The following SPHKAP variants were observed in gnomAD, a reference collection of about 807,000 sequenced individuals.
SPHKAP encodes the protein A-kinase anchor protein SPHKAP.
In SPHKAP, 67 loss-of-function variants were observed where a neutral mutation model predicts 137.5. The observed-to-expected ratio is 0.49, with a 90% CI of 0.40 to 0.60. SPHKAP has a LOEUF of 0.60. Ranked by LOEUF, SPHKAP falls within the 20% of genes least tolerant of loss-of-function variation. The pLI is 0.00. For missense variants in SPHKAP, 2,097 were observed against 2,069.3 expected (o/e 1.01, Z -0.26); for synonymous variants, 813 against 785.3 (o/e 1.04, Z -0.59).
At chr2:228,023,767 A>T (rs1437683518) in intron 5 of SPHKAP, among the ~76,000 whole-genome samples, 2 of 152,226 alleles carry the variant, frequency 1.3e-5, no homozygotes, top group Non-Finnish European at 2.9e-5. Context: ...ACCTCAGCAG[A>T]GTCCAAGTGA....
chr2:228,168,454 T>A (rs775396457), intron 1 of SPHKAP, among the ~76,000 whole-genome samples: 74 of 152,264 alleles, frequency 4.9e-4, no homozygotes, highest in Non-Finnish European at 8.8e-4. Flanking sequence ...TGCAATATTT[T>A]AAAATTTGTC....
At chr2:228,157,809 C>T (rs1204451966) in intron 1 of SPHKAP, among the ~76,000 whole-genome samples, 2 of 152,038 alleles carry the variant, frequency 1.3e-5, no homozygotes, top group African/African-American at 4.8e-5. Flanking sequence ...AAAATATTTT[C>T]AGACTGTTTA....
intron 7 of SPHKAP, among the ~76,000 whole-genome samples, chr2:228,010,518 C>A (rs927142633): frequency 1.3e-5 from 2 of 152,062 alleles, no homozygotes; most frequent in Non-Finnish European, 2.9e-5. Context: ...GGTGACAGAG[C>A]GAAACTCCAT....
At chr2:228,101,631 A>G (rs1698185847) in intron 3 of SPHKAP, among the ~76,000 whole-genome samples, 1 of 152,180 alleles carries the variant, frequency 6.6e-6, no homozygotes, top group Admixed American at 6.5e-5. Context: ...AGGTAAATAC[A>G]ATTATTATCT....
chr2:228,001,260 C>T (rs1038148584), intron 7 of SPHKAP, among the ~76,000 whole-genome samples: 17 of 134,152 alleles, frequency 1.3e-4, no homozygotes, highest in South Asian at 1.0e-3. Flanking sequence ...CACACACACA[C>T]ACATATATAA....
chr2:228,172,373 G>A (rs1364381100), intron 1 of SPHKAP, among the ~76,000 whole-genome samples: 1 of 152,102 alleles, frequency 6.6e-6, no homozygotes, highest in Non-Finnish European at 1.5e-5. Flanking sequence ...TTATTATCTG[G>A]AGCTGGTCCA....
At chr2:228,101,667 G>A (rs1333749232) in intron 3 of SPHKAP, among the ~76,000 whole-genome samples, 3 of 152,170 alleles carry the variant, frequency 2.0e-5, no homozygotes, top group Admixed American at 1.3e-4. Context: ...GGAACCTGAG[G>A]CAGAGAAAGA....
intron 1 of SPHKAP, among the ~76,000 whole-genome samples, chr2:228,148,916 T>G (rs1249947900): frequency 6.6e-6 from 1 of 152,202 alleles, no homozygotes; most frequent in East Asian, 1.9e-4. Flanking sequence ...GGTGAAGATG[T>G]AATCATTTTG....
rs1559350544 is a variant in SPHKAP at position 228,018,927 on chromosome 2, T to C, written c.1927A>G (p.Met643Val). ...YSSIGDFLDS[M>V]NRRIMETASK... is the part of the protein sequence containing the mutation. ...GCAGTTTCCATGATTCTCCTGTTCA[T>C]GGAGTCCAGAAAGTCTCCAATGCTG... Residue 643 changes from methionine to valine, a missense_variant, in exon 7 of 12, where the codon ATG becomes GTG. By Grantham distance (21) the Met-to-Val change is conservative (BLOSUM62 1). Coordinates refer to ENST00000392056, the MANE Select transcript of SPHKAP (RefSeq NM_001142644.2). The C allele has an allele frequency of 5.6e-6, 9 of 1,614,086 alleles. No homozygotes were observed. Among genetic ancestry groups the C allele is most frequent in the Admixed American group, 1.7e-5 (1 of 60,014 alleles).
At chr2:228,020,341 G>A (rs1416295107) in intron 6 of SPHKAP, 185 bp from the exon 7 acceptor site, 1 of 334,872 alleles carries the variant, frequency 3.0e-6, no homozygotes, top group Non-Finnish European at 4.2e-6. Context: ...TGATAGACTG[G>A]ATTAAGAAAA....
chr2:228,093,008 G>T (rs1697856566), intron 3 of SPHKAP, among the ~76,000 whole-genome samples: 1 of 151,960 alleles, frequency 6.6e-6, no homozygotes, highest in Non-Finnish European at 1.5e-5. Flanking sequence ...CACCACTAAA[G>T]AACTTACTCA....
Position 228,017,914 on chromosome 2 carries a change from C to T in SPHKAP, c.2940G>A (p.Lys980=). 1 of 1,614,190 alleles carries T rather than the reference C, an allele frequency of 6.2e-7. No individual in the cohort carries two copies. Among genetic ancestry groups the T allele is most frequent in the Non-Finnish European group, 8.5e-7 (1 of 1,180,036 alleles). The change falls in exon 7 of 12, where the codon AAG becomes AAA. Residue 980 remains lysine (K), a synonymous_variant. Transcript: ENST00000392056. ...MTPNVPCRSL[K]RKKESQGSGT... ...CGCTCCCCTGGCTCTCTTTCTTCCT[C>T]TTCAAGGATCGGCAGGGTACGTTGG... is the stretch of plus-strand genomic sequence containing the variant.
At chr2:228,099,978 T>C (rs1369116185) in intron 3 of SPHKAP, among the ~76,000 whole-genome samples, 2 of 151,922 alleles carry the variant, frequency 1.3e-5, no homozygotes, top group Non-Finnish European at 2.9e-5. Context: ...GCCTCCCGAG[T>C]AGCTGGGACT....
chr2:228,104,297 TTA>T (rs1559175415), intron 3 of SPHKAP, among the ~76,000 whole-genome samples: 3 of 143,660 alleles, frequency 2.1e-5, no homozygotes, highest in African/African-American at 5.2e-5. Flanking sequence ...ATATCATATA[TTA>T]TATAATAATA....
Position 227,991,119 on chromosome 2 carries a change from C to G in SPHKAP, c.4840G>C (p.Asp1614His). 1 of 1,614,104 alleles carries G rather than the reference C, an allele frequency of 6.2e-7. No homozygotes were observed. The highest frequency in any genetic ancestry group is 2.2e-5 in the East Asian group (1 of 44,846). The change falls in exon 11 of 12, where the codon GAC (aspartate) becomes CAC (histidine). Residue 1614 changes from aspartate to histidine, a missense_variant. By Grantham distance (81) the Asp-to-His change is moderately conservative. Transcript: ENST00000392056. ...GCATCTGGACACTCTGGCTCCAGGT[C>G]AAAGTTGATCACCAGCAGGCTCCTC... ...PQRSLLVINFDLEPECPDAEL... is the reference protein window; with the variant it reads ...PQRSLLVINFHLEPECPDAEL...
At chr2:228,016,350 T>A in intron 7 of SPHKAP, 56 bp downstream of exon 7, 2 of 1,504,092 alleles carry the variant, frequency 1.3e-6, no homozygotes. Flanking sequence ...TAAACACTGA[T>A]TAAGACGCAA....
At chr2:228,143,059 AT>A (rs1386237662) in intron 1 of SPHKAP, among the ~76,000 whole-genome samples, 1 of 152,104 alleles carries the variant, frequency 6.6e-6, no homozygotes, top group Non-Finnish European at 1.5e-5. Flanking sequence ...GTTATTCTTA[AT>A]TAAAAAAAAC....
At chr2:228,135,455 G>C (rs1699409315) in intron 1 of SPHKAP, among the ~76,000 whole-genome samples, 1 of 152,072 alleles carries the variant, frequency 6.6e-6, no homozygotes, top group East Asian at 1.9e-4. Context: ...TTTATTTATG[G>C]CTTTAGATAG....
intron 1 of SPHKAP, among the ~76,000 whole-genome samples, chr2:228,134,234 G>GAGGGAGGAAGGAAGGAAGGAAGGAAGGA (rs369812126): frequency 2.1e-5 from 3 of 141,430 alleles, no homozygotes; most frequent in Non-Finnish European, 4.6e-5. Flanking sequence ...AGGAGGGAGG[G>GAGGGAGGAAGGAAGGAAGGAAGGAAGGA]AGGAAGGAAG....
Sources: allele counts gnomAD v4.1 joint callset (sites outside exome capture counted in the v4.1 genomes callset), GRCh38; gene constraint gnomAD v4.1.1; transcripts MANE v1.5; gene names NCBI Gene and HGNC (gene_info 2026-07-23, HGNC 2026-07-21).